Variants in MKLN1 observed in about 807,000 individuals in gnomAD.
The protein encoded by MKLN1 is muskelin.
Under a neutral mutation model 99.0 loss-of-function variants are expected in MKLN1, and 18 were observed. The ratio of observed to expected loss-of-function variants is 0.18; its 90% CI spans 0.13 to 0.27. The LOEUF is 0.27. Among genes scored for constraint, MKLN1 ranks in the 10% least tolerant of loss-of-function variants. MKLN1 has a pLI of 1.00. For synonymous variants in MKLN1, 288 were observed against 293.2 expected, an observed-to-expected ratio of 0.98 and a Z score of 0.18; for missense variants, 621 against 875.9, an observed-to-expected ratio of 0.71 and a Z score of 3.67.
intron 1 of MKLN1, chr7:131,328,235 G>A: frequency 1.9e-6 from 1 of 525,610 alleles, no homozygotes; most frequent in Middle Eastern, 5.2e-4. Context: ...CGGATCCGGG[G>A]CGCGCACAGG....
intron 1 of MKLN1, among the ~76,000 whole-genome samples, chr7:131,119,503 C>T (rs530569025): frequency 2.3e-4 from 35 of 152,302 alleles, no homozygotes; most frequent in Non-Finnish European, 3.7e-4. Context: ...TTAGTCAGTG[C>T]TCTAGTGGGG....
intron 3 of MKLN1, among the ~76,000 whole-genome samples, chr7:131,257,291 C>T (rs535167413): frequency 4.8e-4 from 73 of 152,196 alleles, no homozygotes; most frequent in Non-Finnish European, 9.3e-4. Context: ...CACAATGACA[C>T]AAAATCAAAA....
chr7:131,200,963 A>G lies in MKLN1; in HGVS notation c.-296-1894A>G, dbSNP rs547213072. ...TAACGAGAAGCCACGTTGTATGTAA[A>G]GGAGTTAAAGCCCTACTTCCAAAAC... On this transcript the variant is annotated intron_variant, in intron 2 of 7. Coordinates refer to the MKLN1 transcript ENST00000416992. Among the ~76,000 whole-genome samples the G allele has an allele frequency of 3.0e-4, 45 of 152,324 alleles. No individual in the cohort carries two copies. The South Asian group carries it at 8.7e-3, about 29-fold the overall frequency.
intron 1 of MKLN1, among the ~76,000 whole-genome samples, chr7:131,353,472 TTGTATGTTTTAGG>T (rs1451301543): frequency 2.0e-4 from 31 of 152,120 alleles, no homozygotes; most frequent in Non-Finnish European, 8.8e-5. Flanking sequence ...CAAGAGTACT[TTGTATGTTTTAGG>T]TGTATGTTTT....
At position 131,404,754 on chromosome 7, in the gene MKLN1, G is replaced by A. The variant is rs368635539; in HGVS notation, c.703+5321G>A. ...CAGGTAGCAGGGACTACAGGTGTGC[G>A]CCACTACACCCGGTTAATTTTTTGT... On this transcript the variant is annotated intron_variant, in intron 6 of 17. Coordinates refer to ENST00000352689, the MANE Select transcript of MKLN1 (RefSeq NM_013255.5). 8.6e-5 allele frequency among the ~76,000 whole-genome samples: 13 copies of A among 151,732 alleles called. No individual in the cohort carries two copies. In the South Asian group the frequency reaches 1.5e-3, roughly 17 times the overall value.
chr7:131,240,167 CA>C (rs1332780526), intron 3 of MKLN1, among the ~76,000 whole-genome samples: 1 of 152,024 alleles, frequency 6.6e-6, no homozygotes, highest in East Asian at 1.9e-4. Flanking sequence ...GGTGACAGAG[CA>C]AGATCCTGTC....
chr7:131,202,056 A>T (rs147270068), intron 2 of MKLN1, among the ~76,000 whole-genome samples: 435 of 152,148 alleles, frequency 2.9e-3, no homozygotes, highest in Non-Finnish European at 4.0e-3. Context: ...GCCATGTGGA[A>T]CAACACTAGT....
rs182971960 is a variant in MKLN1, at chr7:131,254,182, A to C, written c.-179+51208A>C. 7.9e-4 allele frequency among the ~76,000 whole-genome samples: 121 copies of C among 152,344 alleles called. 1 individual carries two copies. The highest frequency in any genetic ancestry group is 2.6e-3 in the African/African-American group (109 of 41,596). ...GATTGCCATCCCGAGGGGGCTGTGC[A>C]CATGACCAACCCTGTACCTTTTGAG... On this transcript the variant is annotated intron_variant, in intron 3 of 7. Transcript: ENST00000416992.
At chr7:131,285,992 G>A (rs1211177689) in intron 3 of MKLN1, among the ~76,000 whole-genome samples, 2 of 140,886 alleles carry the variant, frequency 1.4e-5, no homozygotes, top group Admixed American at 1.5e-4. Flanking sequence ...GTTTCACTCT[G>A]TCGCCCAGGC....
chr7:131,191,895 A>G (rs1055156602), intron 2 of MKLN1, among the ~76,000 whole-genome samples: 1 of 142,670 alleles, frequency 7.0e-6, no homozygotes, highest in Non-Finnish European at 1.5e-5. Flanking sequence ...TTTTTTTTGT[A>G]TTGTAGTAGA....
At chr7:131,371,734 C>T (rs912830711) in intron 1 of MKLN1, among the ~76,000 whole-genome samples, 6 of 150,296 alleles carry the variant, frequency 4.0e-5, no homozygotes, top group Admixed American at 3.3e-4. Flanking sequence ...CACTACTTAC[C>T]AATACTTTAC....
intron 2 of MKLN1, among the ~76,000 whole-genome samples, chr7:131,196,461 C>CTTAT (rs1378921517): frequency 6.6e-6 from 1 of 152,260 alleles, no homozygotes; most frequent in East Asian, 1.9e-4. Flanking sequence ...GCCAAATCTA[C>CTTAT]TTATTTATTT....
intron 3 of MKLN1, among the ~76,000 whole-genome samples, chr7:131,274,600 C>T (rs1238472056): frequency 2.1e-5 from 3 of 144,586 alleles, no homozygotes; most frequent in African/African-American, 5.2e-5. Context: ...ACCATGATTG[C>T]ATCACTGCAC....
At chr7:131,437,694 A>G (rs1221895543) in intron 9 of MKLN1, 91 bp from the exon 10 acceptor site, 1 of 1,007,164 alleles carries the variant, frequency 9.9e-7, no homozygotes, top group African/African-American at 1.6e-5. Context: ...AAAGGTAATA[A>G]AAAATGACGT....
At chr7:131,418,559 G>A (rs1584721365) in intron 8 of MKLN1, among the ~76,000 whole-genome samples, 1 of 152,056 alleles carries the variant, frequency 6.6e-6, no homozygotes, top group South Asian at 2.1e-4. Context: ...ATTTGTCTTG[G>A]GCCACATTGA....
chr7:131,250,767 C>T (rs1240951372), intron 3 of MKLN1, among the ~76,000 whole-genome samples: 1 of 152,048 alleles, frequency 6.6e-6, no homozygotes, highest in East Asian at 1.9e-4. Context: ...ATTTTAGGTA[C>T]GACTTGATGA....
chr7:131,353,205 A>G (rs1799770584), intron 1 of MKLN1, among the ~76,000 whole-genome samples: 1 of 152,144 alleles, frequency 6.6e-6, no homozygotes, highest in African/African-American at 2.4e-5. Flanking sequence ...AAAATGGGTT[A>G]CCATTTTACA....
At chr7:131,116,387 T>C (rs990245486) in intron 1 of MKLN1, among the ~76,000 whole-genome samples, 2 of 152,052 alleles carry the variant, frequency 1.3e-5, no homozygotes, top group Non-Finnish European at 2.9e-5. Flanking sequence ...GAGCCTCACT[T>C]TGTAGTTAAC....
chr7:131,159,219 T>G (rs911780654), intron 2 of MKLN1, among the ~76,000 whole-genome samples: 7 of 151,940 alleles, frequency 4.6e-5, no homozygotes, highest in Admixed American at 1.3e-4. Context: ...AGAAAGTGAC[T>G]AATGCTATGG....
Sources: gnomAD v4.1 joint callset for allele counts (sites outside exome capture counted in the v4.1 genomes callset) on GRCh38, gnomAD v4.1.1 for gene constraint, MANE v1.5 for transcripts, NCBI Gene and HGNC (gene_info 2026-07-23, HGNC 2026-07-21) for gene names.